ARHGEF38: variants seen among roughly 807,000 people sequenced by gnomAD.
ARHGEF38 encodes Rho guanine nucleotide exchange factor (GEF) 38.
ARHGEF38 carries 79 observed loss-of-function variants against 79.9 expected under a neutral mutation model. The observed-to-expected ratio is 0.99, with a 90% CI of 0.82 to 1.19. The LOEUF is 1.19. ARHGEF38 is among the 50% of genes most tolerant of loss of function. The pLI is 0.00. For synonymous variants in ARHGEF38, 366 were observed against 328.3 expected (o/e 1.11, Z -1.24); for missense variants, 962 against 907.2 (o/e 1.06, Z -0.78).
intron 1 of ARHGEF38, among the ~76,000 whole-genome samples, chr4:105,564,666 TAAAA>T (rs780768216): frequency 6.6e-6 from 1 of 152,208 alleles, no homozygotes; most frequent in South Asian, 2.1e-4. Context: ...TAAAAAATGA[TAAAA>T]AAGTTTGGCG....
chr4:105,669,632 C>T (rs1414897736), intron 13 of ARHGEF38, among the ~76,000 whole-genome samples: 4 of 150,624 alleles, frequency 2.7e-5, no homozygotes, highest in Admixed American at 2.6e-4. Flanking sequence ...ATATTCATGT[C>T]ATATAATTAA....
intron 1 of ARHGEF38, among the ~76,000 whole-genome samples, chr4:105,572,510 T>G (rs1359167767): frequency 6.6e-6 from 1 of 152,144 alleles, no homozygotes; most frequent in Admixed American, 6.6e-5. Context: ...CTTGTAAAAA[T>G]GAAACTCTGT....
chr4:105,680,154 A>G lies in ARHGEF38; in HGVS notation c.*2217A>G. ...GAGGACCTCACATGGAGGGACTGGAATTTAAAACCAGGTCTTCTGACTTTA... is the reference window on the plus strand; with the variant it reads ...GAGGACCTCACATGGAGGGACTGGAGTTTAAAACCAGGTCTTCTGACTTTA... On this transcript the variant is annotated 3_prime_UTR_variant, in exon 14 of 14. Coordinates refer to ENST00000420470, the MANE Select transcript of ARHGEF38 (RefSeq NM_001242729.2). The G allele has an allele frequency of 1.6e-6, 1 of 627,978 alleles. No homozygotes were observed. Among genetic ancestry groups the G allele is most frequent in the Non-Finnish European group, 3.0e-6 (1 of 335,776 alleles). The allele number at this position is 627,978 out of a possible 1,614,324, so 38.9% of individuals were successfully genotyped here. A position where few individuals can be genotyped will look rare whatever the true frequency, so the allele number is the denominator to read the frequency against.
At chr4:105,559,376 C>T (rs1725407978) in intron 1 of ARHGEF38, among the ~76,000 whole-genome samples, 1 of 151,998 alleles carries the variant, frequency 6.6e-6, no homozygotes. Context: ...TGCTCTTAGG[C>T]CTAAGGCACA....
intron 1 of ARHGEF38, among the ~76,000 whole-genome samples, chr4:105,563,718 G>A (rs77138186): frequency 0.027 from 4,046 of 152,226 alleles, 183 homozygotes; most frequent in African/African-American, 0.09. Flanking sequence ...GAAATCAACT[G>A]ATTTTAATAA....
chr4:105,622,214 A>G (rs1728764271), intron 3 of ARHGEF38, among the ~76,000 whole-genome samples: 1 of 152,126 alleles, frequency 6.6e-6, no homozygotes, highest in Admixed American at 6.5e-5. Flanking sequence ...CTGCCAGTGG[A>G]AGTCAGTGGC....
Position 105,631,009 on chromosome 4 carries a change from T to A in ARHGEF38, c.620T>A (p.Leu207Gln). 6.2e-7 allele frequency: 1 copy of A among 1,613,754 alleles called. No individual in the cohort carries two copies. The highest frequency in any genetic ancestry group is 8.5e-7 in the Non-Finnish European group (1 of 1,179,858). ...GAGTCCTATGAAAAGGAAGAAGAGC[T>A]GAAGGAACATTTGAGCCACTGTATC... ...ILESYEKEEELKEHLSHCIQS... is the reference protein window; with the variant it reads ...ILESYEKEEEQKEHLSHCIQS... Residue 207 changes from leucine (L) to glutamine (Q), a missense_variant, in exon 4 of 14, where the codon CTG becomes CAG. By Grantham distance (113) the Leu-to-Gln change is moderately radical. Coordinates refer to ENST00000420470, the MANE Select transcript of ARHGEF38 (RefSeq NM_001242729.2).
chr4:105,612,050 A>G (rs1207317284), intron 2 of ARHGEF38, among the ~76,000 whole-genome samples: 1 of 152,118 alleles, frequency 6.6e-6, no homozygotes, highest in Non-Finnish European at 1.5e-5. Flanking sequence ...ATGTGAAGTC[A>G]TGCTTCCACA....
At chr4:105,615,310 A>G (rs1267955781) in intron 3 of ARHGEF38, among the ~76,000 whole-genome samples, 1 of 152,192 alleles carries the variant, frequency 6.6e-6, no homozygotes, top group Non-Finnish European at 1.5e-5. Flanking sequence ...GTTTCTGGAG[A>G]GAGAAAGATA....
chr4:105,631,772 G>A (rs1729203304), intron 4 of ARHGEF38: 1 of 751,996 alleles, frequency 1.3e-6, no homozygotes, highest in Non-Finnish European at 1.6e-6. Context: ...TCTTTTAAAT[G>A]GAATTGGTAT....
chr4:105,603,784 T>C (rs2110478946), intron 2 of ARHGEF38, among the ~76,000 whole-genome samples: 1 of 152,206 alleles, frequency 6.6e-6, no homozygotes, highest in East Asian at 1.9e-4. Flanking sequence ...CATCCCAACA[T>C]AGCCATCACT....
At chr4:105,672,124 G>A (rs1054436731) in intron 13 of ARHGEF38, among the ~76,000 whole-genome samples, 3 of 152,110 alleles carry the variant, frequency 2.0e-5, no homozygotes, top group East Asian at 1.9e-4. Context: ...TAACCTGGAC[G>A]CGAAGACCTG....
At chr4:105,642,343 T>C (rs140387981) in intron 5 of ARHGEF38, among the ~76,000 whole-genome samples, 3 of 152,290 alleles carry the variant, frequency 2.0e-5, no homozygotes, top group African/African-American at 4.8e-5. Context: ...TGAGAACGCC[T>C]TTTTTAGGAT....
At chr4:105,613,100 C>A (rs1728364247) in intron 2 of ARHGEF38, among the ~76,000 whole-genome samples, 2 of 152,032 alleles carry the variant, frequency 1.3e-5, no homozygotes, top group African/African-American at 2.4e-5. Flanking sequence ...GCAGTTAATA[C>A]CAATTAGGCC....
At chr4:105,591,958 T>G (rs1356435576) in intron 2 of ARHGEF38, among the ~76,000 whole-genome samples, 1 of 152,238 alleles carries the variant, frequency 6.6e-6, no homozygotes, top group Non-Finnish European at 1.5e-5. Flanking sequence ...CCAGATGTAT[T>G]TGATATAACT....
Position 105,655,515 on chromosome 4 carries a change from G to T in ARHGEF38, c.1114-88G>T, listed in dbSNP as rs1730283509. 2.2e-6 allele frequency: 3 copies of T among 1,336,318 alleles called. No homozygotes were observed. In the Admixed American group the frequency reaches 7.0e-5, roughly 31 times the overall value. 82.8% of individuals were successfully genotyped at this position (1,336,318 alleles called of 1,614,324 possible). A position where few individuals can be genotyped will look rare whatever the true frequency, so the allele number is the denominator to read the frequency against. ...AATAACCTCTCAGTGATAATTAAGG[G>T]TTATGCTGATGAAGTCCACATTTGG... is the stretch of plus-strand genomic sequence containing the variant. On this transcript the variant is annotated intron_variant, in intron 8 of 13. Coordinates refer to ENST00000420470, the MANE Select transcript of ARHGEF38 (RefSeq NM_001242729.2).
At chr4:105,555,599 C>G (rs1017059893) in intron 1 of ARHGEF38, among the ~76,000 whole-genome samples, 1 of 152,118 alleles carries the variant, frequency 6.6e-6, no homozygotes, top group African/African-American at 2.4e-5. Flanking sequence ...TGGTTAGAGC[C>G]CTCAGATAGA....
intron 1 of ARHGEF38, among the ~76,000 whole-genome samples, chr4:105,562,891 G>C (rs1467819053): frequency 6.6e-6 from 1 of 152,218 alleles, no homozygotes; most frequent in African/African-American, 2.4e-5. Context: ...GAGAGGCCGA[G>C]CTGTGATGTG....
intron 1 of ARHGEF38, among the ~76,000 whole-genome samples, chr4:105,558,573 T>C (rs547662324): frequency 6.6e-6 from 1 of 152,318 alleles, no homozygotes; most frequent in South Asian, 2.1e-4. Context: ...AACTTTTGTC[T>C]TACTGCATAT....
Sources: gnomAD v4.1 joint callset for allele counts (sites outside exome capture counted in the v4.1 genomes callset) on GRCh38, gnomAD v4.1.1 for gene constraint, MANE v1.5 for transcripts, NCBI Gene and HGNC (gene_info 2026-07-23, HGNC 2026-07-21) for gene names.